XRCC5: variants seen among roughly 807,000 people sequenced by gnomAD.
XRCC5 encodes the protein DNA repair protein Ku80.
A neutral mutation model predicts 95.7 loss-of-function variants in XRCC5; 12 were observed. The ratio of observed to expected loss-of-function variants is 0.13; its 90% confidence interval spans 0.08 to 0.20. The LOEUF is 0.20. XRCC5 is among the 10% of genes least tolerant of loss of function. XRCC5 has a pLI of 1.00. For missense variants in XRCC5, 595 were observed against 873.9 expected, an observed-to-expected ratio of 0.68 and a Z score of 4.02; for synonymous variants, 281 against 290.3, an observed-to-expected ratio of 0.97 and a Z score of 0.33.
rs41299746 is a variant in XRCC5, at chr2:216,119,773, C to T, written c.491+608C>T. 2.0e-3 allele frequency among the ~76,000 whole-genome samples: 302 copies of T among 152,294 alleles called. 2 individuals carry two copies. The highest frequency in any genetic ancestry group is 6.9e-3 in the African/African-American group (285 of 41,554). ...CAATTTATTAGGGAGAGAATTCCTC[C>T]TCAAAAAGTAACTTGAATATTCCCT... On this transcript the variant is annotated intron_variant, in intron 5 of 20. Coordinates refer to ENST00000392132, the MANE Select transcript of XRCC5 (RefSeq NM_021141.4).
At chr2:216,202,738 T>C (rs1184132189) in intron 19 of XRCC5, among the ~76,000 whole-genome samples, 1 of 152,166 alleles carries the variant, frequency 6.6e-6, no homozygotes, top group African/African-American at 2.4e-5. Context: ...TAATGAATAG[T>C]GAGGTGGTCT....
At chr2:216,131,227 G>A (rs1206953682) in intron 9 of XRCC5, 1 of 985,188 alleles carries the variant, frequency 1.0e-6, no homozygotes, top group Non-Finnish European at 1.2e-6. Context: ...TTTTGAATGG[G>A]GAATGGAAGC....
intron 5 of XRCC5, among the ~76,000 whole-genome samples, chr2:216,121,093 A>G (rs915006142): frequency 6.6e-6 from 1 of 152,190 alleles, no homozygotes; most frequent in African/African-American, 2.4e-5. Context: ...CTAACGCAGA[A>G]TAGACAGAAC....
chr2:216,192,669 C>A lies in XRCC5; in HGVS notation c.1975C>A (p.Leu659Met). ...AGAAGAGCAGCGCTTTAACAACTTC[C>A]TGAAAGCCCTTCAAGAGAAAGTGGA... ...FSEEQRFNNF[L>M]KALQEKVEIK... Residue 659 changes from leucine (L) to methionine (M), a missense_variant, in exon 18 of 21, where the codon CTG becomes ATG. Leu to Met is a conservative substitution (Grantham distance 15). This residue lies in a region of XRCC5 where 309 missense variants were observed against 382.9 expected (regional missense o/e 0.81). Coordinates refer to ENST00000392132, the MANE Select transcript of XRCC5 (RefSeq NM_021141.4). The A allele has an allele frequency of 6.3e-7, 1 of 1,599,886 alleles. No individual in the cohort carries two copies. The highest frequency in any genetic ancestry group is 1.7e-5 in the Admixed American group (1 of 58,924).
chr2:216,128,394 A>C (rs1696929305), intron 8 of XRCC5, among the ~76,000 whole-genome samples: 1 of 152,186 alleles, frequency 6.6e-6, no homozygotes, highest in Non-Finnish European at 1.5e-5. Context: ...ACTGTATTTC[A>C]TCTTACAGTG....
At chr2:216,202,655 A>G (rs1689856897) in intron 19 of XRCC5, among the ~76,000 whole-genome samples, 2 of 152,190 alleles carry the variant, frequency 1.3e-5, no homozygotes, top group South Asian at 4.1e-4. Flanking sequence ...AGGGTCAACA[A>G]AGAGCTATGG....
intron 6 of XRCC5, among the ~76,000 whole-genome samples, chr2:216,124,494 A>C (rs1482743512): frequency 6.6e-6 from 1 of 152,102 alleles, no homozygotes; most frequent in Non-Finnish European, 1.5e-5. Flanking sequence ...TTAGGCCATG[A>C]GGTTTATATT....
intron 16 of XRCC5, among the ~76,000 whole-genome samples, chr2:216,186,747 T>C (rs935502519): frequency 6.6e-6 from 1 of 152,228 alleles, no homozygotes; most frequent in African/African-American, 2.4e-5. Context: ...TGTGATTTAC[T>C]GAGTTTGAAG....
At chr2:216,197,735 A>C (rs529634330) in intron 19 of XRCC5, among the ~76,000 whole-genome samples, 2 of 152,298 alleles carry the variant, frequency 1.3e-5, no homozygotes, top group African/African-American at 4.8e-5. Context: ...AGGCACTTTG[A>C]TATATATTAT....
intron 10 of XRCC5, among the ~76,000 whole-genome samples, chr2:216,136,824 C>T (rs10804247): frequency 0.3 from 44,851 of 152,002 alleles, 7,287 homozygotes; most frequent in East Asian, 0.66. Flanking sequence ...GGAGGGCTGA[C>T]ATGAGTTTAT....
At chr2:216,152,080 G>A (rs555965043) in intron 14 of XRCC5, among the ~76,000 whole-genome samples, 9 of 152,238 alleles carry the variant, frequency 5.9e-5, no homozygotes, top group Admixed American at 3.3e-4. Flanking sequence ...TGAGGGAACC[G>A]CCCCCATAAT....
chr2:216,141,459 A>G (rs1697167406), intron 13 of XRCC5, 140 bp downstream of exon 13: 1 of 670,606 alleles, frequency 1.5e-6, no homozygotes. Context: ...GAAGAATAAC[A>G]TCTTCCTCTC....
chr2:216,197,438 T>G (rs1286072342), intron 19 of XRCC5, among the ~76,000 whole-genome samples: 2 of 119,940 alleles, frequency 1.7e-5, no homozygotes, highest in Non-Finnish European at 3.3e-5. Context: ...AAAGCGAAAC[T>G]CTGTCCCAGG....
At chr2:216,158,665 C>T (rs1688892680) in intron 14 of XRCC5, among the ~76,000 whole-genome samples, 1 of 152,100 alleles carries the variant, frequency 6.6e-6, no homozygotes, top group Non-Finnish European at 1.5e-5. Context: ...TTTCCTGGTT[C>T]CCACCCTTCT....
At chr2:216,198,249 C>T (rs1472210499) in intron 19 of XRCC5, among the ~76,000 whole-genome samples, 3 of 152,224 alleles carry the variant, frequency 2.0e-5, no homozygotes, top group Non-Finnish European at 4.4e-5. Flanking sequence ...TTCTAAAATA[C>T]AGTACTCCCT....
intron 10 of XRCC5, among the ~76,000 whole-genome samples, chr2:216,132,902 C>G (rs1037542286): frequency 6.6e-6 from 1 of 152,138 alleles, no homozygotes; most frequent in Non-Finnish European, 1.5e-5. Context: ...TGTTTGATCT[C>G]CAAGTTAGAA....
At chr2:216,196,571 G>A (rs572551208) in intron 19 of XRCC5, among the ~76,000 whole-genome samples, 34 of 152,176 alleles carry the variant, frequency 2.2e-4, no homozygotes, top group African/African-American at 8.2e-4. Flanking sequence ...TTTATTGGCT[G>A]AATTTCAGAA....
intron 4 of XRCC5, among the ~76,000 whole-genome samples, chr2:216,117,999 T>C (rs1056003732): frequency 3.9e-5 from 6 of 152,226 alleles, no homozygotes; most frequent in Admixed American, 3.9e-4. Context: ...TCGGTGATTA[T>C]TTCTCTGGAA....
At position 216,206,238 on chromosome 2, in the gene XRCC5, A is replaced by G. The variant is rs1005464179; in HGVS notation, c.*1036A>G. The G allele has an allele frequency of 1.4e-4, 21 of 152,192 alleles. No homozygotes were observed. Among genetic ancestry groups the G allele is most frequent in the African/African-American group, 4.6e-4 (19 of 41,444 alleles). The allele number at this position is 152,192 out of a possible 1,614,324, so 9.4% of individuals were successfully genotyped here. On this transcript the variant is annotated 3_prime_UTR_variant, in exon 21 of 21. Coordinates refer to ENST00000392132, the MANE Select transcript of XRCC5 (RefSeq NM_021141.4). ...TCAGCACCCTCATAAGTCGTCACTAATACACAGTTTTGTACATGTAACATT... is the reference window on the plus strand; with the variant it reads ...TCAGCACCCTCATAAGTCGTCACTAGTACACAGTTTTGTACATGTAACATT...
Sources: allele counts gnomAD v4.1 joint callset (sites outside exome capture counted in the v4.1 genomes callset), GRCh38; gene constraint gnomAD v4.1.1; regional missense constraint gnomAD v4.1.1; transcripts MANE v1.5; gene names NCBI Gene and HGNC (gene_info 2026-07-23, HGNC 2026-07-21).